ITSN1: variants seen among roughly 807,000 people sequenced by gnomAD.
ITSN1 encodes intersectin 1.
ITSN1 carries 58 observed loss-of-function variants against 239.8 expected under a neutral mutation model. The ratio of observed to expected loss-of-function variants is 0.24; its 90% CI spans 0.20 to 0.30. ITSN1 has a LOEUF of 0.30. Ranked by LOEUF, ITSN1 falls within the 10% of genes least tolerant of loss-of-function variation. The pLI is 1.00. For synonymous variants in ITSN1, 780 were observed against 770.8 expected, an observed-to-expected ratio of 1.01 and a Z score of -0.20; for missense variants, 1,558 against 2,103.3, an observed-to-expected ratio of 0.74 and a Z score of 5.07.
intron 1 of ITSN1, among the ~76,000 whole-genome samples, chr21:33,693,506 G>A (rs1236170993): frequency 1.3e-5 from 2 of 152,024 alleles, no homozygotes; most frequent in Non-Finnish European, 2.9e-5. Context: ...ATAGGCATGC[G>A]CCATCACACT....
chr21:33,733,122 A>G (rs1409308352), intron 4 of ITSN1, among the ~76,000 whole-genome samples: 5 of 152,200 alleles, frequency 3.3e-5, no homozygotes, highest in South Asian at 2.1e-4. Flanking sequence ...CAAGGGGGAA[A>G]AAAAACCTTC....
intron 20 of ITSN1, among the ~76,000 whole-genome samples, chr21:33,809,754 T>G (rs1440667312): frequency 6.6e-6 from 1 of 152,136 alleles, no homozygotes; most frequent in Non-Finnish European, 1.5e-5. Flanking sequence ...AGATATAAGG[T>G]TTCATAAGAT....
At chr21:33,769,362 A>G (rs2068947655) in intron 11 of ITSN1, among the ~76,000 whole-genome samples, 1 of 152,238 alleles carries the variant, frequency 6.6e-6, no homozygotes, top group East Asian at 1.9e-4. Context: ...AGATGCTGGA[A>G]TTAAAAAGAT....
chr21:33,800,785 A>T (rs1161307404), intron 19 of ITSN1, among the ~76,000 whole-genome samples: 4 of 142,182 alleles, frequency 2.8e-5, no homozygotes, highest in South Asian at 4.5e-4. Flanking sequence ...TACTCTTAAC[A>T]TTTTTTTTTT....
chr21:33,752,134 C>A (rs1163079604), intron 7 of ITSN1, among the ~76,000 whole-genome samples: 1 of 148,450 alleles, frequency 6.7e-6, no homozygotes, highest in Non-Finnish European at 1.5e-5. Context: ...TCCTTAAAGG[C>A]TTTGTGTATT....
chr21:33,881,406 C>CA (rs1207634551), intron 34 of ITSN1, among the ~76,000 whole-genome samples: 1,084 of 74,672 alleles, frequency 0.015, 9 homozygotes, highest in Middle Eastern at 0.026. Flanking sequence ...GACTCTGTCT[C>CA]AAAAAAAAAA....
chr21:33,843,343 A>G (rs1377180753), intron 29 of ITSN1, among the ~76,000 whole-genome samples: 1 of 152,124 alleles, frequency 6.6e-6, no homozygotes, highest in Non-Finnish European at 1.5e-5. Flanking sequence ...TGGGGTTACC[A>G]TGGGAGTTTG....
chr21:33,819,027 A>G, intron 23 of ITSN1, among the ~76,000 whole-genome samples: 1 of 152,334 alleles, frequency 6.6e-6, no homozygotes, highest in South Asian at 2.1e-4. Context: ...CCATGTGTCC[A>G]GTATAGCAAA....
intron 29 of ITSN1, chr21:33,837,469 G>T: frequency 1.0e-6 from 1 of 986,146 alleles, no homozygotes; most frequent in Non-Finnish European, 1.2e-6. Context: ...TCTGAGACTT[G>T]ATGTATTTTT....
At chr21:33,646,014 A>T (rs1647146019) in intron 1 of ITSN1, among the ~76,000 whole-genome samples, 1 of 152,130 alleles carries the variant, frequency 6.6e-6, no homozygotes, top group South Asian at 2.1e-4. Flanking sequence ...GGAGGAACTC[A>T]ATTAAACATT....
At chr21:33,708,294 T>TTGTC (rs200326858) in intron 1 of ITSN1, among the ~76,000 whole-genome samples, 8,397 of 152,262 alleles carry the variant, frequency 0.055, 780 homozygotes, top group African/African-American at 0.19. Context: ...AGTGTTTTCT[T>TTGTC]TGTGGTTTGC....
At chr21:33,752,351 A>G (rs1836932699) in intron 7 of ITSN1, among the ~76,000 whole-genome samples, 1 of 143,936 alleles carries the variant, frequency 6.9e-6, no homozygotes, top group Non-Finnish European at 1.5e-5. Flanking sequence ...TGGAGTTTAT[A>G]TGGGTAATTA....
At chr21:33,656,812 G>A (rs980020136) in intron 1 of ITSN1, among the ~76,000 whole-genome samples, 1 of 152,190 alleles carries the variant, frequency 6.6e-6, no homozygotes, top group African/African-American at 2.4e-5. Context: ...CCAGGTTCAA[G>A]CAATTCTCCT....
intron 6 of ITSN1, 145 bp from the exon 7 acceptor site, chr21:33,751,665 G>T: frequency 1.6e-6 from 1 of 635,326 alleles, no homozygotes; most frequent in Non-Finnish European, 2.7e-6. Context: ...AGGGTAAGGA[G>T]GGAAAAGCTC....
intron 1 of ITSN1, among the ~76,000 whole-genome samples, chr21:33,677,529 AGG>A (rs748487148): frequency 2.0e-5 from 3 of 151,968 alleles, no homozygotes; most frequent in Non-Finnish European, 4.4e-5. Flanking sequence ...TAGTAGAGAC[AGG>A]GTTTCGCCCT....
chr21:33,836,733 A>G, intron 29 of ITSN1, 101 bp downstream of exon 29: 1 of 1,005,072 alleles, frequency 9.9e-7, no homozygotes, highest in Non-Finnish European at 1.5e-6. Flanking sequence ...CAGAACTTAA[A>G]GCTAGACCAT....
intron 1 of ITSN1, among the ~76,000 whole-genome samples, chr21:33,658,774 T>G (rs1171652467): frequency 6.6e-6 from 1 of 152,242 alleles, no homozygotes; most frequent in East Asian, 1.9e-4. Context: ...TGTTCATTGT[T>G]TCAGCAGTTA....
chr21:33,865,369 G>C lies in ITSN1; in HGVS notation c.4074+35G>C. The C allele has an allele frequency of 1.4e-6, 2 of 1,469,816 alleles. No homozygotes were observed. Among genetic ancestry groups the C allele is most frequent in the South Asian group, 1.4e-5 (1 of 73,576 alleles). 91.0% of individuals were successfully genotyped at this position (1,469,816 alleles called of 1,614,324 possible). On this transcript the variant is annotated intron_variant, in intron 32 of 39. Transcript: ENST00000381318. This position sits in a 1 kb window ranked among gnomAD's most constrained non-coding sequence, Gnocchi z 4.4. ...CAGGCTGTGCAGAGACTGGGCCCCAGAGTGGCGATCTTTGGGCAGCTGGAT... is the reference window on the plus strand; with the variant it reads ...CAGGCTGTGCAGAGACTGGGCCCCACAGTGGCGATCTTTGGGCAGCTGGAT...
At chr21:33,642,894 C>T (rs1448707874) in intron 1 of ITSN1, among the ~76,000 whole-genome samples, 181 bp downstream of exon 1, 10 of 151,498 alleles carry the variant, frequency 6.6e-5, no homozygotes, top group African/African-American at 2.4e-4. Flanking sequence ...TGCCCCTCTG[C>T]CTTGTCCTTC....
Sources: gnomAD v4.1 joint callset for allele counts (sites outside exome capture counted in the v4.1 genomes callset) on GRCh38, gnomAD v4.1.1 for gene constraint, Gnocchi (gnomAD v3.1) non-coding constraint, MANE v1.5 for transcripts, NCBI Gene and HGNC (gene_info 2026-07-23, HGNC 2026-07-21) for gene names.